MALRD1: variants seen among roughly 807,000 people sequenced by gnomAD.
MALRD1 encodes the protein MAM and LDL-receptor class A domain-containing protein 1.
In MALRD1, 247 loss-of-function variants were observed where a neutral mutation model predicts 242.1. That is an observed-to-expected ratio of 1.02 (90% CI 0.92 to 1.13). The LOEUF is 1.13. Among genes scored for constraint, MALRD1 ranks in the 50% most tolerant of loss-of-function variants. The pLI is 0.00. For missense variants in MALRD1, 2,989 were observed against 2,533.1 expected (o/e 1.18, Z -3.86); for synonymous variants, 995 against 866.6 (o/e 1.15, Z -2.60).
At chr10:19,250,107 A>G (rs925384013) in intron 18 of MALRD1, among the ~76,000 whole-genome samples, 20 of 152,008 alleles carry the variant, frequency 1.3e-4, no homozygotes, top group African/African-American at 2.9e-4. Flanking sequence ...AAAAAAAATG[A>G]CATTTAAGAA....
intron 26 of MALRD1, among the ~76,000 whole-genome samples, chr10:19,362,377 A>T (rs903560408): frequency 3.3e-5 from 5 of 152,156 alleles, no homozygotes; most frequent in African/African-American, 9.6e-5. Context: ...CTCTAATGGT[A>T]ACATACCCTC....
At chr10:19,229,514 A>T (rs1183818172) in intron 18 of MALRD1, among the ~76,000 whole-genome samples, 1 of 152,136 alleles carries the variant, frequency 6.6e-6, no homozygotes, top group Non-Finnish European at 1.5e-5. Context: ...TATTAGAACC[A>T]TGGCCTTAAT....
At chr10:19,474,834 C>T (rs1243280171) in intron 29 of MALRD1, among the ~76,000 whole-genome samples, 1 of 151,826 alleles carries the variant, frequency 6.6e-6, no homozygotes, top group Non-Finnish European at 1.5e-5. Context: ...CTTACTAGAA[C>T]CCATTTTATA....
intron 10 of MALRD1, among the ~76,000 whole-genome samples, chr10:19,139,694 T>G (rs2131421799): frequency 6.6e-6 from 1 of 152,248 alleles, no homozygotes; most frequent in African/African-American, 2.4e-5. Flanking sequence ...CGGTGGCTCT[T>G]CAAAATCAGT....
chr10:19,580,971 T>A (rs1199111572), intron 33 of MALRD1, among the ~76,000 whole-genome samples: 1 of 152,146 alleles, frequency 6.6e-6, no homozygotes, highest in Admixed American at 6.6e-5. Context: ...TTTCTAGGAA[T>A]ATTTAAGCTG....
At chr10:19,078,732 A>G (rs1402237537) in intron 2 of MALRD1, among the ~76,000 whole-genome samples, 1 of 151,596 alleles carries the variant, frequency 6.6e-6, no homozygotes, top group African/African-American at 2.4e-5. Flanking sequence ...TTCTTCTTGA[A>G]TTGGCTTTGG....
chr10:19,373,201 T>TAAAAAAAAAAAAAAAAA (rs1845457821), intron 26 of MALRD1, among the ~76,000 whole-genome samples: 1 of 31,434 alleles, frequency 3.2e-5, no homozygotes, highest in Non-Finnish European at 6.3e-5. Flanking sequence ...AAACGCTAAA[T>TAAAAAAAAAAAAAAAAA]ACAAAAAAAA....
chr10:19,518,406 A>G (rs1044587829), intron 31 of MALRD1, among the ~76,000 whole-genome samples: 2 of 152,184 alleles, frequency 1.3e-5, no homozygotes, highest in South Asian at 2.1e-4. Flanking sequence ...AGAAAAACCA[A>G]TGACATTCTT....
At chr10:19,390,085 A>C (rs921589769) in intron 28 of MALRD1, among the ~76,000 whole-genome samples, 4 of 152,182 alleles carry the variant, frequency 2.6e-5, no homozygotes, top group African/African-American at 9.7e-5. Context: ...GAGACATGAG[A>C]ACCAGCTTTG....
At chr10:19,500,903 C>T (rs1837937775) in intron 31 of MALRD1, among the ~76,000 whole-genome samples, 1 of 151,984 alleles carries the variant, frequency 6.6e-6, no homozygotes. Flanking sequence ...GCATAAATCC[C>T]TGTCACGGTG....
chr10:19,081,866 CT>C (rs1010414872), intron 2 of MALRD1, among the ~76,000 whole-genome samples: 1 of 151,926 alleles, frequency 6.6e-6, no homozygotes, highest in Non-Finnish European at 1.5e-5. Flanking sequence ...CTTTTATACC[CT>C]TTTACTTTTA....
intron 5 of MALRD1, among the ~76,000 whole-genome samples, chr10:19,122,243 T>A (rs1237120541): frequency 6.6e-6 from 1 of 152,074 alleles, no homozygotes; most frequent in African/African-American, 2.4e-5. Context: ...AGCTGAAATA[T>A]TGTTAGAGTA....
At chr10:19,416,879 G>T (rs2130902997) in intron 28 of MALRD1, among the ~76,000 whole-genome samples, 1 of 152,196 alleles carries the variant, frequency 6.6e-6, no homozygotes, top group African/African-American at 2.4e-5. Context: ...TCTTTAATTT[G>T]TATTCACTGA....
At chr10:19,310,460 A>G (rs1219844618) in intron 21 of MALRD1, among the ~76,000 whole-genome samples, 1 of 151,600 alleles carries the variant, frequency 6.6e-6, no homozygotes, top group Non-Finnish European at 1.5e-5. Context: ...AAAAGCAGCT[A>G]GATAAAGAGG....
intron 33 of MALRD1, among the ~76,000 whole-genome samples, chr10:19,578,301 G>A (rs963437423): frequency 4.6e-5 from 7 of 152,020 alleles, no homozygotes; most frequent in African/African-American, 1.7e-4. Context: ...GGCCTGGGTG[G>A]GATTCATGGT....
At chr10:19,702,760 C>G (rs1330999256) in intron 38 of MALRD1, among the ~76,000 whole-genome samples, 2 of 151,908 alleles carry the variant, frequency 1.3e-5, no homozygotes, top group African/African-American at 2.4e-5. Flanking sequence ...CGTGGCTCAC[C>G]TTGAAAATAA....
intron 33 of MALRD1, among the ~76,000 whole-genome samples, chr10:19,568,184 T>TA (rs1297704175): frequency 6.6e-6 from 1 of 152,194 alleles, no homozygotes; most frequent in South Asian, 2.1e-4. Context: ...ACACCTTTTC[T>TA]AAAAAAGTCA....
At chr10:19,183,144 G>A (rs897602025) in intron 14 of MALRD1, among the ~76,000 whole-genome samples, 1 of 97,756 alleles carries the variant, frequency 1.0e-5, no homozygotes, top group Non-Finnish European at 2.2e-5. Flanking sequence ...CTGCTTTTTT[G>A]AAAAAACTAA....
intron 7 of MALRD1, among the ~76,000 whole-genome samples, chr10:19,125,267 C>T (rs1384080344): frequency 3.0e-5 from 4 of 135,002 alleles, no homozygotes; most frequent in African/African-American, 1.2e-4. Context: ...CTCTTTCTTT[C>T]TCTTTCTTTC....
Sources: allele counts gnomAD v4.1 joint callset (sites outside exome capture counted in the v4.1 genomes callset), GRCh38; gene constraint gnomAD v4.1.1; transcripts MANE v1.5; gene names NCBI Gene and HGNC (gene_info 2026-07-23, HGNC 2026-07-21).